Variants in SP100 observed in about 807,000 individuals in gnomAD.
SP100 encodes SP100 nuclear body protein.
Under a neutral mutation model 130.0 loss-of-function variants are expected in SP100, and 84 were observed. The observed-to-expected ratio is 0.65, with a 90% CI of 0.54 to 0.77. The LOEUF (loss-of-function observed/expected upper bound fraction) is 0.77. SP100 is among the 30% of genes least tolerant of loss of function. The pLI is 0.00. For synonymous variants in SP100, 331 were observed against 351.7 expected (o/e 0.94, Z 0.66); for missense variants, 978 against 1,052.2 (o/e 0.93, Z 0.97).
intron 17 of SP100, among the ~76,000 whole-genome samples, chr2:230,488,113 A>G (rs1464463642): frequency 6.6e-6 from 1 of 152,148 alleles, no homozygotes; most frequent in African/African-American, 2.4e-5. Context: ...TCTAAATACA[A>G]AATCATGTCA....
rs755478777 is a variant in SP100, at chr2:230,539,394, A to G, written c.2210+12A>G. On this transcript the variant is annotated intron_variant, in intron 25 of 28. Transcript: ENST00000340126. ...GTGGAAGCTAACAAGTGAGTAAGAC[A>G]TGTCCCCTTCCCTGAGCCCTTCCTT... 30 of 1,578,126 alleles carry G rather than the reference A, an allele frequency of 1.9e-5. No homozygotes were observed. Among genetic ancestry groups the G allele is most frequent in the Non-Finnish European group, 2.6e-5 (30 of 1,147,364 alleles).
chr2:230,462,056 A>G (rs893058243), intron 9 of SP100, among the ~76,000 whole-genome samples: 1 of 152,142 alleles, frequency 6.6e-6, no homozygotes, highest in Non-Finnish European at 1.5e-5. Context: ...ACAAGAGGAG[A>G]TGGGGAGGGA....
intron 19 of SP100, among the ~76,000 whole-genome samples, chr2:230,499,815 G>C (rs187858282): frequency 3.9e-5 from 6 of 152,152 alleles, no homozygotes; most frequent in African/African-American, 1.2e-4. Flanking sequence ...GACATTCCCA[G>C]GGACGGAGGT....
intron 17 of SP100, among the ~76,000 whole-genome samples, chr2:230,475,736 G>C (rs928661726): frequency 6.6e-6 from 1 of 152,154 alleles, no homozygotes; most frequent in African/African-American, 2.4e-5. Flanking sequence ...TATGGGTCCA[G>C]TTTCGTTTTT....
intron 24 of SP100, among the ~76,000 whole-genome samples, chr2:230,522,681 G>C (rs886748181): frequency 2.0e-5 from 3 of 151,396 alleles, no homozygotes; most frequent in African/African-American, 4.9e-5. Flanking sequence ...GTAGGGACAG[G>C]GTTTTGCAGT....
chr2:230,416,271 G>A lies in SP100; in HGVS notation c.-26G>A, dbSNP rs2062596312. ...AGGGGCTCAGAGGCCAGGCTCTGAG[G>A]CCCACGCAGGGCCTAGGGTGGGAAG... On this transcript the variant is annotated 5_prime_UTR_variant, in exon 1 of 29. Transcript: ENST00000340126. 6.2e-7 allele frequency: 1 copy of A among 1,609,356 alleles called. No individual in the cohort carries two copies. The highest frequency in any genetic ancestry group is 8.5e-7 in the Non-Finnish European group (1 of 1,176,530).
At chr2:230,426,162 AAG>A (rs1244442088) in intron 2 of SP100, among the ~76,000 whole-genome samples, 1 of 152,078 alleles carries the variant, frequency 6.6e-6, no homozygotes, top group Non-Finnish European at 1.5e-5. Context: ...AGTTTAGTGA[AAG>A]AGTTGCTAAT....
chr2:230,424,716 G>C (rs1294743862), intron 2 of SP100, among the ~76,000 whole-genome samples: 1 of 151,444 alleles, frequency 6.6e-6, no homozygotes, highest in Non-Finnish European at 1.5e-5. Context: ...GGATTTTCTG[G>C]GTAATGAGTG....
chr2:230,493,383 ATTT>A (rs970393472), intron 17 of SP100, among the ~76,000 whole-genome samples: 1 of 151,988 alleles, frequency 6.6e-6, no homozygotes, highest in African/African-American at 2.4e-5. Context: ...ATGCCAGCTA[ATTT>A]TTTTATTTTT....
In SP100 at chr2:230,450,232, G is replaced by A; in HGVS notation, c.797G>A (p.Cys266Tyr). The change falls in exon 8 of 29, where the codon TGC becomes TAC. Residue 266 changes from cysteine (C) to tyrosine (Y), a missense_variant. Coordinates refer to ENST00000340126, the MANE Select transcript of SP100 (RefSeq NM_001080391.2). ...GGGGATGCTGGAAGGGAGATGCCCT[G>A]CCCGTTGCCCTGTGATGAAGAAAGT... The part of the protein sequence containing the change: ...NNGDAGREMP[C>Y]PLPCDEESPE... 2 of 1,613,358 alleles carry A rather than the reference G, an allele frequency of 1.2e-6. No homozygotes were observed. Among genetic ancestry groups the A allele is most frequent in the South Asian group, 2.2e-5 (2 of 91,028 alleles).
Position 230,494,427 on chromosome 2 carries a change from A to T in SP100, c.1612A>T (p.Arg538Trp), listed in dbSNP as rs1189106767. 1 of 1,605,416 alleles carries T rather than the reference A, an allele frequency of 6.2e-7. No individual in the cohort carries two copies. Among genetic ancestry groups the T allele is most frequent in the Non-Finnish European group, 8.5e-7 (1 of 1,172,312 alleles). ...KHSGKRRKKRRHRSKVNGLQR... is the reference protein window; with the variant it reads ...KHSGKRRKKRWHRSKVNGLQR... ...TTTTCTGTTTGCAGGAAAAAAGAGA[A>T]GGCATAGATCTAAAGTAAATGGTCT... The change falls in exon 18 of 29, where the codon AGG becomes TGG. Residue 538 changes from arginine (R) to tryptophan (W), a missense_variant. Physicochemically the swap from Arg to Trp is moderately radical, Grantham distance 101. Coordinates refer to ENST00000340126, the MANE Select transcript of SP100 (RefSeq NM_001080391.2).
intron 14 of SP100, chr2:230,469,790 A>G (rs779624648): frequency 1.3e-5 from 11 of 860,296 alleles, no homozygotes; most frequent in Middle Eastern, 3.9e-4. Context: ...TAAAAAAAAA[A>G]AAGAAGAAGA....
At chr2:230,488,161 T>C (rs1035307657) in intron 17 of SP100, among the ~76,000 whole-genome samples, 1 of 152,158 alleles carries the variant, frequency 6.6e-6, no homozygotes, top group Non-Finnish European at 1.5e-5. Context: ...CCTCTCCCGA[T>C]TTGAATAGTC....
At chr2:230,540,747 C>T (rs1692139952) in intron 25 of SP100, 129 bp from the exon 26 acceptor site, 1 of 1,172,342 alleles carries the variant, frequency 8.5e-7, no homozygotes, top group Admixed American at 2.3e-5. Context: ...AGTGCAGAGG[C>T]CTCCAAGAGA....
At chr2:230,529,234 C>A (rs1406480980) in intron 24 of SP100, among the ~76,000 whole-genome samples, 1 of 152,210 alleles carries the variant, frequency 6.6e-6, no homozygotes, top group Non-Finnish European at 1.5e-5. Context: ...CCACCATGAT[C>A]AAGTCACCTT....
intron 17 of SP100, among the ~76,000 whole-genome samples, chr2:230,491,602 G>T (rs1014840779): frequency 4.6e-5 from 7 of 152,204 alleles, no homozygotes; most frequent in African/African-American, 1.4e-4. Context: ...TTAGGCAGTT[G>T]TGAGTCCCAG....
chr2:230,522,476 C>CTGTTTTTTTTT (rs1691217752), intron 24 of SP100, among the ~76,000 whole-genome samples: 1 of 82,138 alleles, frequency 1.2e-5, no homozygotes, highest in Non-Finnish European at 2.1e-5. Context: ...CCCCAGTGTT[C>CTGTTTTTTTTT]TTTTTTTTTT....
At chr2:230,492,897 C>A (rs1360475784) in intron 17 of SP100, among the ~76,000 whole-genome samples, 3 of 152,160 alleles carry the variant, frequency 2.0e-5, no homozygotes, top group Non-Finnish European at 4.4e-5. Flanking sequence ...CTCCACTCTC[C>A]CATGGCATTA....
intron 24 of SP100, among the ~76,000 whole-genome samples, chr2:230,525,687 CCTGACCAAACA>C (rs753604777): frequency 1.3e-5 from 2 of 152,180 alleles, no homozygotes; most frequent in African/African-American, 2.4e-5. Flanking sequence ...ACAATATACT[CCTGACCAAACA>C]CTGACTTTTC....
Sources: allele counts gnomAD v4.1 joint callset (sites outside exome capture counted in the v4.1 genomes callset), GRCh38; gene constraint gnomAD v4.1.1; transcripts MANE v1.5; gene names NCBI Gene and HGNC (gene_info 2026-07-23, HGNC 2026-07-21).